Variants in NOS1AP observed in about 807,000 individuals in gnomAD.
NOS1AP encodes the protein nitric oxide synthase 1 adaptor protein.
Under a neutral mutation model 56.2 loss-of-function variants are expected in NOS1AP, and 21 were observed. The observed-to-expected ratio is 0.37, with a 90% CI of 0.26 to 0.54. NOS1AP has a LOEUF of 0.54. NOS1AP is among the 20% of genes least tolerant of loss of function. NOS1AP has a pLI of 0.84. For synonymous variants in NOS1AP, 270 were observed against 274.6 expected, an observed-to-expected ratio of 0.98 and a Z score of 0.17; for missense variants, 522 against 657.8, an observed-to-expected ratio of 0.79 and a Z score of 2.26.
At chr1:162,280,733 T>A (rs1654897422) in intron 2 of NOS1AP, among the ~76,000 whole-genome samples, 1 of 152,198 alleles carries the variant, frequency 6.6e-6, no homozygotes. Context: ...GAGATTTTAT[T>A]TATACCCAAT....
intron 2 of NOS1AP, among the ~76,000 whole-genome samples, chr1:162,213,211 C>A (rs545735058): frequency 1.3e-5 from 2 of 152,290 alleles, no homozygotes; most frequent in East Asian, 3.9e-4. Context: ...ACCCCTTTTG[C>A]TTTATTCCAA....
Position 162,070,136 on chromosome 1 carries a change from G to A in NOS1AP, c.-42G>A. ...CCCGGGGTCTCGCCAGCCCCTTCCT[G>A]CAGCCGCCGCCTCCGAAGGAGCGGG... On this transcript the variant is annotated 5_prime_UTR_variant, in exon 1 of 10. Coordinates refer to ENST00000361897, the MANE Select transcript of NOS1AP (RefSeq NM_014697.3). The A allele has an allele frequency of 1.3e-6, 2 of 1,545,090 alleles. No homozygotes were observed. Among genetic ancestry groups the A allele is most frequent in the South Asian group, 2.2e-5 (2 of 89,608 alleles).
chr1:162,117,068 A>T (rs1161976623), intron 1 of NOS1AP, among the ~76,000 whole-genome samples: 4 of 152,186 alleles, frequency 2.6e-5, no homozygotes, highest in Non-Finnish European at 5.9e-5. Context: ...TGTATACCCT[A>T]GCACTAGGGA....
intron 2 of NOS1AP, among the ~76,000 whole-genome samples, chr1:162,184,666 T>G (rs559776424): frequency 6.6e-6 from 1 of 152,234 alleles, no homozygotes; most frequent in East Asian, 1.9e-4. Flanking sequence ...TCCTTTCTCC[T>G]CCACCAATAC....
chr1:162,249,364 A>C (rs749242936), intron 2 of NOS1AP, among the ~76,000 whole-genome samples: 1 of 152,178 alleles, frequency 6.6e-6, no homozygotes, highest in African/African-American at 2.4e-5. Flanking sequence ...GCAATGTCTC[A>C]TGTGAACACA....
Position 162,369,138 on chromosome 1 carries a change from C to T in NOS1AP, c.*1671C>T, listed in dbSNP as rs1647285174. 6.6e-6 allele frequency: 1 copy of T among 151,950 alleles called. No individual in the cohort carries two copies. The highest frequency in any genetic ancestry group is 2.4e-5 in the African/African-American group (1 of 41,342). The allele number at this position is 151,950 out of a possible 1,614,324, so 9.4% of individuals were successfully genotyped here. A position where few individuals can be genotyped will look rare whatever the true frequency, so the allele number is the denominator to read the frequency against. ...ATACATGTGTGAGGGAAAGTGTGTA[C>T]ATATATGTAGGATTGTAACCAGACG... is the stretch of plus-strand genomic sequence containing the variant. On this transcript the variant is annotated 3_prime_UTR_variant, in exon 10 of 10. Coordinates refer to ENST00000361897, the MANE Select transcript of NOS1AP (RefSeq NM_014697.3).
intron 4 of NOS1AP, among the ~76,000 whole-genome samples, chr1:162,332,345 T>TTATTTTA (rs1456985292): frequency 1.3e-5 from 2 of 152,180 alleles, no homozygotes; most frequent in Non-Finnish European, 2.9e-5. Context: ...TTCATAGCAC[T>TTATTTTA]TATTTTATAT....
intron 1 of NOS1AP, among the ~76,000 whole-genome samples, chr1:162,071,900 A>G (rs1036732817): frequency 1.3e-5 from 2 of 152,136 alleles, no homozygotes; most frequent in African/African-American, 4.8e-5. Flanking sequence ...GATAAGATTT[A>G]AAGTGTTTTT....
At chr1:162,127,676 G>A (rs1055434214) in intron 1 of NOS1AP, among the ~76,000 whole-genome samples, 14 of 152,128 alleles carry the variant, frequency 9.2e-5, no homozygotes, top group Non-Finnish European at 2.9e-5. Context: ...CACAAGGCTG[G>A]ATCAGAAGCA....
At chr1:162,163,554 G>C (rs79251052) in intron 2 of NOS1AP, among the ~76,000 whole-genome samples, 1 of 152,232 alleles carries the variant, frequency 6.6e-6, no homozygotes, top group African/African-American at 2.4e-5. Flanking sequence ...AGACTGTTGC[G>C]GAAGGCTTCT....
chr1:162,105,916 C>T (rs1219411893), intron 1 of NOS1AP, among the ~76,000 whole-genome samples: 6 of 152,150 alleles, frequency 3.9e-5, no homozygotes, highest in Admixed American at 1.3e-4. Context: ...AAGTGGGGCC[C>T]GAAGAATGAT....
At chr1:162,280,171 T>C (rs1654870897) in intron 2 of NOS1AP, among the ~76,000 whole-genome samples, 1 of 152,110 alleles carries the variant, frequency 6.6e-6, no homozygotes, top group Admixed American at 6.6e-5. Flanking sequence ...AATAAAGAAA[T>C]ATTTCAGATG....
intron 2 of NOS1AP, among the ~76,000 whole-genome samples, chr1:162,198,433 T>C (rs1384133820): frequency 6.6e-6 from 1 of 152,156 alleles, no homozygotes; most frequent in Non-Finnish European, 1.5e-5. Context: ...AGTGGCAAGA[T>C]TCAATCCCTT....
intron 2 of NOS1AP, among the ~76,000 whole-genome samples, chr1:162,252,609 G>C (rs1043202369): frequency 6.6e-6 from 1 of 152,096 alleles, no homozygotes; most frequent in African/African-American, 2.4e-5. Flanking sequence ...GCTTCAGCAA[G>C]TTGTTTCTTT....
At chr1:162,190,492 CAAAT>C (rs969964490) in intron 2 of NOS1AP, among the ~76,000 whole-genome samples, 27 of 152,014 alleles carry the variant, frequency 1.8e-4, no homozygotes, top group African/African-American at 6.3e-4. Context: ...TTTTAATTGA[CAAAT>C]AATGTGCATA....
chr1:162,163,707 G>T (rs1026520430), intron 2 of NOS1AP, among the ~76,000 whole-genome samples: 1 of 152,150 alleles, frequency 6.6e-6, no homozygotes, highest in South Asian at 2.1e-4. Flanking sequence ...GGCTTCGCAG[G>T]TTCAAGAAAT....
chr1:162,347,729 A>G lies in NOS1AP; in HGVS notation c.595+3753A>G, dbSNP rs552787190. Among the ~76,000 whole-genome samples, 494 of 152,320 alleles carry G rather than the reference A, an allele frequency of 3.2e-3. 11 individuals are homozygous for G. The highest frequency in any genetic ancestry group is 1.6e-3 in the Non-Finnish European group (112 of 68,024). On this transcript the variant is annotated intron_variant, in intron 6 of 9. Coordinates refer to ENST00000361897, the MANE Select transcript of NOS1AP (RefSeq NM_014697.3). ...TCCCTGGGGACTCAGTGGGGATTCC[A>G]TAAGGATCACTTCCTATACTTTTCT...
chr1:162,091,788 C>G (rs1027071613), intron 1 of NOS1AP, among the ~76,000 whole-genome samples: 1 of 152,162 alleles, frequency 6.6e-6, no homozygotes, highest in Non-Finnish European at 1.5e-5. Context: ...TTACACAGCC[C>G]AGGAGCATGT....
intron 4 of NOS1AP, among the ~76,000 whole-genome samples, chr1:162,302,873 G>C (rs1433365728): frequency 2.0e-5 from 3 of 152,086 alleles, no homozygotes; most frequent in Admixed American, 2.0e-4. Flanking sequence ...TTATTGATGA[G>C]TTTGCATTTT....
Sources: gnomAD v4.1 joint callset for allele counts (sites outside exome capture counted in the v4.1 genomes callset) on GRCh38, gnomAD v4.1.1 for gene constraint, MANE v1.5 for transcripts, NCBI Gene and HGNC (gene_info 2026-07-23, HGNC 2026-07-21) for gene names.